ALPK3: variants seen among roughly 807,000 people sequenced by gnomAD.
ALPK3 encodes the protein alpha-protein kinase 3.
ALPK3 carries 102 observed loss-of-function variants against 140.0 expected under a neutral mutation model. The ratio of observed to expected loss-of-function variants is 0.73; its 90% CI spans 0.62 to 0.86. ALPK3 has a LOEUF of 0.86. Ranked by LOEUF, ALPK3 falls within the 40% of genes least tolerant of loss-of-function variation. The pLI, the probability that ALPK3 is intolerant of heterozygous loss-of-function variation, is 0.00. For missense variants in ALPK3, 2,254 were observed against 2,208.2 expected, an observed-to-expected ratio of 1.02 and a Z score of -0.42; for synonymous variants, 938 against 898.5, an observed-to-expected ratio of 1.04 and a Z score of -0.79.
intron 12 of ALPK3, among the ~76,000 whole-genome samples, chr15:84,866,513 G>A (rs1020484168): frequency 6.6e-6 from 1 of 152,224 alleles, no homozygotes; most frequent in Non-Finnish European, 1.5e-5. Flanking sequence ...TGAAAGGCAG[G>A]TTCCTAGCAA....
In ALPK3 at chr15:84,857,104, C is replaced by G. The variant is rs768742956; in HGVS notation, c.2366C>G (p.Thr789Ser). The G allele has an allele frequency of 1.5e-5, 25 of 1,614,086 alleles. No individual in the cohort carries two copies. In the East Asian group the frequency reaches 5.6e-4, roughly 36 times the overall value. Residue 789 changes from threonine (T) to serine (S), a missense_variant, in exon 6 of 14, where the codon ACT becomes AGT. This residue lies in a region of ALPK3 where 2,088 missense variants were observed against 2,022.9 expected (regional missense o/e 1.03). Coordinates refer to ENST00000258888, the MANE Select transcript of ALPK3 (RefSeq NM_020778.5). ...VVTASRNHEQ[T>S]VLGPLSGNLM... ...ACAGCCTCCAGGAACCATGAGCAAA[C>G]TGTGCTGGGTCCCCTGTCAGGGAAC...
At chr15:84,845,004 T>G (rs890003850) in intron 5 of ALPK3, among the ~76,000 whole-genome samples, 1 of 152,238 alleles carries the variant, frequency 6.6e-6, no homozygotes. Flanking sequence ...TATCTCCCAC[T>G]GAATGCAGCC....
chr15:84,833,176 A>AC (rs1353156239), intron 3 of ALPK3, among the ~76,000 whole-genome samples: 4 of 152,206 alleles, frequency 2.6e-5, no homozygotes, highest in Non-Finnish European at 5.9e-5. Flanking sequence ...CTACAACGCC[A>AC]CCAATGGAGT....
intron 3 of ALPK3, among the ~76,000 whole-genome samples, chr15:84,833,088 A>G (rs1963560802): frequency 6.6e-6 from 1 of 152,178 alleles, no homozygotes; most frequent in African/African-American, 2.4e-5. Context: ...GGCTGCTCAG[A>G]CATTTATTTT....
rs3748377 is a variant in ALPK3 at position 84,869,224 on chromosome 15, C to T, written c.*768C>T. On this transcript the variant is annotated 3_prime_UTR_variant, in exon 14 of 14. Transcript: ENST00000258888. Reference sequence around the variant, plus strand: ...GCACATGGCCCTTTGCTTGAGGGCTCCCCACTCCCTGCCCACCAATACCCA... The same window carrying T: ...GCACATGGCCCTTTGCTTGAGGGCTTCCCACTCCCTGCCCACCAATACCCA... The T allele has an allele frequency of 0.076, 11,600 of 152,580 alleles. 484 individuals carry two copies. Among genetic ancestry groups the T allele is most frequent in the Non-Finnish European group, 0.084 (5,729 of 68,262 alleles). The allele number at this position is 152,580 out of a possible 1,614,324, so 9.5% of individuals were successfully genotyped here.
At chr15:84,836,131 C>T (rs958487478) in intron 3 of ALPK3, among the ~76,000 whole-genome samples, 1 of 152,192 alleles carries the variant, frequency 6.6e-6, no homozygotes, top group African/African-American at 2.4e-5. Context: ...AGGGAAGTAA[C>T]AGAGCCCTGC....
chr15:84,848,696 C>G (rs923942087), intron 5 of ALPK3, among the ~76,000 whole-genome samples: 1 of 152,072 alleles, frequency 6.6e-6, no homozygotes, highest in African/African-American at 2.4e-5. Flanking sequence ...AAAACTTTCC[C>G]AACTTGATGC....
chr15:84,839,616 C>T, intron 4 of ALPK3, 86 bp from the exon 5 acceptor site: 1 of 1,451,016 alleles, frequency 6.9e-7, no homozygotes, highest in Non-Finnish European at 9.2e-7. Flanking sequence ...GGAAGTGTGC[C>T]CGGCTCTGAA....
In ALPK3 at chr15:84,839,981, C is replaced by A. The variant is rs376896928; in HGVS notation, c.702C>A (p.Gly234=). The A allele has an allele frequency of 4.8e-5, 77 of 1,612,384 alleles. No individual in the cohort carries two copies. The highest frequency in any genetic ancestry group is 6.3e-5 in the Non-Finnish European group (74 of 1,179,356). ...KRRLSGAQAP[G]PSVPTREPEG... The stretch of plus-strand genomic sequence containing the variant: ...GATTGAGCGGGGCTCAAGCGCCGGG[C>A]CCCTCGGTCCCTACCAGGGAGCCTG... The change falls in exon 5 of 14, where the codon GGC becomes GGA. Residue 234 remains glycine, a synonymous_variant. Transcript: ENST00000258888.
chr15:84,856,242 C>G, intron 5 of ALPK3, 150 bp from the exon 6 acceptor site: 1 of 1,143,842 alleles, frequency 8.7e-7, no homozygotes, highest in Non-Finnish European at 1.2e-6. Flanking sequence ...ATGTCTTTGC[C>G]TCCCAACTTC....
At position 84,863,653 on chromosome 15, in the gene ALPK3, C is replaced by T. The variant is rs774980929; in HGVS notation, c.4499+13C>T. The T allele has an allele frequency of 1.3e-5, 21 of 1,612,132 alleles. No individual in the cohort carries two copies. Among genetic ancestry groups the T allele is most frequent in the Admixed American group, 1.0e-4 (6 of 59,886 alleles). ...GGGAGGTGCCTGAGTAAGTACGCAG[C>T]GAGGAGGACGTGCAGTGTGCAGCAC... On this transcript the variant is annotated intron_variant, in intron 11 of 13. Transcript: ENST00000258888.
rs73437949 is a variant in ALPK3 at position 84,839,529 on chromosome 15, A to T, written c.423-173A>T. 9.7e-3 allele frequency among the ~76,000 whole-genome samples: 1,474 copies of T among 152,156 alleles called. 25 individuals are homozygous for T. The highest frequency in any genetic ancestry group is 0.034 in the African/African-American group (1,412 of 41,498). ...CCTTTTTGCCAGCCTCAGTTCCCTC[A>T]GCTGTAATGGAGGGTGTTGTATGTT... On this transcript the variant is annotated intron_variant, in intron 4 of 13. Coordinates refer to ENST00000258888, the MANE Select transcript of ALPK3 (RefSeq NM_020778.5).
Position 84,852,561 on chromosome 15 carries a change from A to G in ALPK3, c.1654-3831A>G, listed in dbSNP as rs1963817161. On this transcript the variant is annotated intron_variant, in intron 5 of 13. Transcript: ENST00000258888. ...CCATGGCATCCTAGAGAGAACTTCC[A>G]TCTTTGCTCACAGCGTTAAGAGCTC... 7 of 302,594 alleles carry G rather than the reference A, an allele frequency of 2.3e-5. No individual in the cohort carries two copies. The Admixed American group carries it at 2.7e-4, about 12-fold the overall frequency. 18.7% of individuals were successfully genotyped at this position (302,594 alleles called of 1,614,324 possible). A position where few individuals can be genotyped will look rare whatever the true frequency, so the allele number is the denominator to read the frequency against.
chr15:84,828,565 G>A (rs1253972016), intron 3 of ALPK3, among the ~76,000 whole-genome samples: 5 of 152,086 alleles, frequency 3.3e-5, no homozygotes, highest in Admixed American at 2.6e-4. Flanking sequence ...GAATTCTGGC[G>A]GACTTGATTA....
In ALPK3 at chr15:84,839,089, G is replaced by C. The variant is rs1301571421; in HGVS notation, c.414G>C (p.Gln138His). The change falls in exon 4 of 14, where the codon CAG becomes CAC. Residue 138 changes from glutamine to histidine, a missense_variant. Coordinates refer to ENST00000258888, the MANE Select transcript of ALPK3 (RefSeq NM_020778.5). ...ATCAGGGCAACCGCCACACACTGCAGCTGTACAGGTGAGGGAGAAGGGCCT... is the reference window on the plus strand; with the variant it reads ...ATCAGGGCAACCGCCACACACTGCACCTGTACAGGTGAGGGAGAAGGGCCT... Reference protein sequence around the residue: ...ITHQGNRHTLQLYRCREEDAA... With the variant: ...ITHQGNRHTLHLYRCREEDAA... 1.2e-6 allele frequency: 2 copies of C among 1,607,460 alleles called. No individual in the cohort carries two copies. The highest frequency in any genetic ancestry group is 1.3e-5 in the African/African-American group (1 of 74,832).
At chr15:84,862,514 G>A (rs754721346) in intron 9 of ALPK3, 121 bp from the exon 10 acceptor site, 20 of 1,259,758 alleles carry the variant, frequency 1.6e-5, no homozygotes, top group Non-Finnish European at 2.0e-5. Context: ...AGGCGTGGAC[G>A]GAAAGTGAGC....
intron 5 of ALPK3, among the ~76,000 whole-genome samples, chr15:84,842,663 G>T (rs547440935): frequency 7.9e-5 from 12 of 152,332 alleles, no homozygotes; most frequent in African/African-American, 2.9e-4. Context: ...AGTTTTAAGG[G>T]TGACCATGGG....
intron 5 of ALPK3, among the ~76,000 whole-genome samples, chr15:84,845,933 G>A (rs1034514380): frequency 1.3e-5 from 2 of 152,202 alleles, no homozygotes; most frequent in African/African-American, 4.8e-5. Flanking sequence ...AGTGGCACAT[G>A]CCTGTAGTCC....
At position 84,857,336 on chromosome 15, in the gene ALPK3, G is replaced by T. The variant is rs200842914; in HGVS notation, c.2598G>T (p.Thr866=). The T allele has an allele frequency of 6.2e-7, 1 of 1,614,138 alleles. No homozygotes were observed. The highest frequency in any genetic ancestry group is 2.2e-5 in the East Asian group (1 of 44,884). ...PLAGLSQEVP[T]MPSLPGTGLT... ...CTGGCCTGAGCCAGGAGGTACCCAC[G>T]ATGCCTTCTCTTCCTGGAACTGGGC... is the stretch of plus-strand genomic sequence containing the variant. Residue 866 remains threonine, a synonymous_variant, in exon 6 of 14, where the codon ACG becomes ACT. Coordinates refer to ENST00000258888, the MANE Select transcript of ALPK3 (RefSeq NM_020778.5).
Sources: gnomAD v4.1 joint callset for allele counts (sites outside exome capture counted in the v4.1 genomes callset) on GRCh38, gnomAD v4.1.1 for gene constraint, gnomAD v4.1.1 regional missense constraint, MANE v1.5 for transcripts, NCBI Gene and HGNC (gene_info 2026-07-23, HGNC 2026-07-21) for gene names.